PLCG2: variants seen among roughly 807,000 people sequenced by gnomAD.
PLCG2 encodes the protein phospholipase C gamma 2, also known as 1-phosphatidylinositol 4,5-bisphosphate phosphodiesterase gamma-2.
PLCG2 carries 69 observed loss-of-function variants against 175.6 expected under a neutral mutation model. The observed-to-expected ratio is 0.39, with a 90% CI of 0.32 to 0.48. The LOEUF is 0.48. Ranked by LOEUF, PLCG2 falls within the 20% of genes least tolerant of loss-of-function variation. The pLI, the probability that PLCG2 is intolerant of heterozygous loss-of-function variation, is 0.91. For missense variants in PLCG2, 1,798 were observed against 1,650.9 expected, an observed-to-expected ratio of 1.09 and a Z score of -1.54; for synonymous variants, 827 against 624.0, an observed-to-expected ratio of 1.33 and a Z score of -4.85.
At chr16:81,824,332 C>A (rs1904949769) in intron 2 of PLCG2, among the ~76,000 whole-genome samples, 1 of 152,154 alleles carries the variant, frequency 6.6e-6, no homozygotes, top group Non-Finnish European at 1.5e-5. Context: ...CAAGGTTTCA[C>A]CACGTTGGCC....
intron 31 of PLCG2, among the ~76,000 whole-genome samples, chr16:81,954,525 G>C (rs1911489719): frequency 6.6e-6 from 1 of 152,162 alleles, no homozygotes. Context: ...CATGGTGTGT[G>C]TTGTTGCCCT....
intron 5 of PLCG2, among the ~76,000 whole-genome samples, chr16:81,868,767 C>T (rs773796482): frequency 1.3e-5 from 2 of 152,264 alleles, no homozygotes; most frequent in Non-Finnish European, 2.9e-5. Flanking sequence ...TCATTTTCTG[C>T]CCACACTGAA....
At chr16:81,816,282 A>G (rs1477202525) in intron 2 of PLCG2, among the ~76,000 whole-genome samples, 3 of 152,168 alleles carry the variant, frequency 2.0e-5, no homozygotes, top group African/African-American at 7.2e-5. Flanking sequence ...GAGGTGGGAG[A>G]ATTGCTTGAA....
At chr16:81,957,032 C>A in intron 32 of PLCG2, among the ~76,000 whole-genome samples, 153 bp downstream of exon 32, 1 of 152,140 alleles carries the variant, frequency 6.6e-6, no homozygotes, top group East Asian at 1.9e-4. Flanking sequence ...GGCATGGTGG[C>A]TCATGCCTGT....
intron 17 of PLCG2, among the ~76,000 whole-genome samples, chr16:81,909,244 G>A (rs1026536010): frequency 6.6e-6 from 1 of 152,180 alleles, no homozygotes; most frequent in Non-Finnish European, 1.5e-5. Context: ...TGTGATGAGT[G>A]CAATGAAACA....
chr16:81,821,912 C>T (rs942892731), intron 2 of PLCG2, among the ~76,000 whole-genome samples: 25 of 151,468 alleles, frequency 1.7e-4, no homozygotes, highest in African/African-American at 5.8e-4. Context: ...GAGAGCCAGA[C>T]AGGCCTGGGG....
intron 15 of PLCG2, 61 bp from the exon 16 acceptor site, chr16:81,907,623 TG>T: frequency 8.3e-7 from 1 of 1,207,016 alleles, no homozygotes; most frequent in Non-Finnish European, 1.2e-6. Context: ...GCAGGGCTCC[TG>T]GGCTCCACAG....
chr16:81,804,970 A>G (rs1911926377), intron 2 of PLCG2, among the ~76,000 whole-genome samples: 1 of 152,192 alleles, frequency 6.6e-6, no homozygotes, highest in South Asian at 2.1e-4. Context: ...GTGTCTAGTC[A>G]TTACAATCTG....
At chr16:81,937,952 G>T in intron 28 of PLCG2, 49 bp downstream of exon 28, 1 of 1,597,020 alleles carries the variant, frequency 6.3e-7, no homozygotes, top group East Asian at 2.2e-5. Flanking sequence ...GCCCTCCCTG[G>T]GGGCTGGGCC....
chr16:81,879,074 G>C lies in PLCG2; in HGVS notation c.649-1836G>C, dbSNP rs866425480. 3.3e-5 allele frequency among the ~76,000 whole-genome samples: 5 copies of C among 152,152 alleles called. 1 individual carries two copies. Among genetic ancestry groups the C allele is most frequent in the African/African-American group, 4.8e-5 (2 of 41,434 alleles). ...ACCTCTGCCATTGTCCGAGCTCCCT[G>C]AGTGGGGGAATGCGGTGCGGGCTTT... On this transcript the variant is annotated intron_variant, in intron 7 of 32. Transcript: ENST00000564138.
At position 81,889,231 on chromosome 16, in the gene PLCG2, C is replaced by T; in HGVS notation, c.825C>T (p.Asp275=). 6.2e-7 allele frequency: 1 copy of T among 1,606,706 alleles called. No homozygotes were observed. Among genetic ancestry groups the T allele is most frequent in the South Asian group, 1.1e-5 (1 of 89,542 alleles). The change falls in exon 10 of 33, where the codon GAC becomes GAT. Residue 275 remains aspartate, a synonymous_variant. Coordinates refer to ENST00000564138, the MANE Select transcript of PLCG2 (RefSeq NM_002661.5). ...AGCGGATGACAAAGTTCATTGATGA[C>T]ACCATGCGTGAAACTGCTGAGCCTT... The part of the protein sequence containing the change: ...VRERMTKFID[D]TMRETAEPFL...
chr16:81,909,818 C>T (rs1364329945), intron 17 of PLCG2, among the ~76,000 whole-genome samples: 1 of 152,164 alleles, frequency 6.6e-6, no homozygotes, highest in East Asian at 1.9e-4. Context: ...GTCTCGTTTA[C>T]TCTTCAGGAT....
chr16:81,922,298 A>G (rs1048062829), intron 21 of PLCG2, among the ~76,000 whole-genome samples: 1 of 152,204 alleles, frequency 6.6e-6, no homozygotes, highest in Non-Finnish European at 1.5e-5. Flanking sequence ...CACTTAAAAC[A>G]GCTGGTCGAT....
chr16:81,943,455 G>A (rs983856985), intron 30 of PLCG2, among the ~76,000 whole-genome samples: 1 of 152,096 alleles, frequency 6.6e-6, no homozygotes, highest in Non-Finnish European at 1.5e-5. Context: ...AACAGCAAGT[G>A]GGAAGTCCAC....
chr16:81,803,021 C>A (rs769895555), intron 2 of PLCG2, among the ~76,000 whole-genome samples: 20 of 152,094 alleles, frequency 1.3e-4, no homozygotes, highest in Admixed American at 1.3e-3. Context: ...ACTTTACTTT[C>A]CCCCATCCCT....
At chr16:81,807,634 C>T (rs2033553585) in intron 2 of PLCG2, among the ~76,000 whole-genome samples, 1 of 152,214 alleles carries the variant, frequency 6.6e-6, no homozygotes, top group African/African-American at 2.4e-5. Flanking sequence ...TTCCATTTTA[C>T]AGATGAGAAC....
Position 81,923,524 on chromosome 16 carries a change from A to C in PLCG2, c.2347A>C (p.Lys783Gln). 8.1e-6 allele frequency: 13 copies of C among 1,613,844 alleles called. No homozygotes were observed. The highest frequency in any genetic ancestry group is 1.1e-5 in the Non-Finnish European group (13 of 1,179,792). Residue 783 changes from lysine (K) to glutamine (Q), a missense_variant, in exon 22 of 33, where the codon AAG (lysine) becomes CAG (glutamine). Physicochemically the swap from Lys to Gln is moderately conservative, Grantham distance 53. Transcript: ENST00000564138. ...GAAAGCTCTGTATGACTACAAAGCC[A>C]AGCGAAGCGATGAGCTGAGCTTCTG... The part of the protein sequence containing the change: ...TVKALYDYKA[K>Q]RSDELSFCRG...
chr16:81,742,203 C>G (rs1350154668), intron 1 of PLCG2, among the ~76,000 whole-genome samples: 1 of 151,628 alleles, frequency 6.6e-6, no homozygotes, highest in Admixed American at 6.6e-5. Context: ...CAGAGTACCT[C>G]TCAGTCAAAA....
chr16:81,825,910 C>T (rs1450323598), intron 2 of PLCG2, among the ~76,000 whole-genome samples: 1 of 152,044 alleles, frequency 6.6e-6, no homozygotes, highest in Admixed American at 6.6e-5. Flanking sequence ...TTAGGTGGAT[C>T]GTAGAGAAAG....
Sources: gnomAD v4.1 joint callset for allele counts (sites outside exome capture counted in the v4.1 genomes callset) on GRCh38, gnomAD v4.1.1 for gene constraint, MANE v1.5 for transcripts, NCBI Gene and HGNC (gene_info 2026-07-23, HGNC 2026-07-21) for gene names.